The following SCN9A variants were observed in gnomAD, a reference collection of about 807,000 sequenced individuals.
SCN9A encodes sodium channel protein type 9 subunit alpha.
SCN9A carries 131 observed loss-of-function variants against 187.0 expected under a neutral mutation model. The ratio of observed to expected loss-of-function variants is 0.70; its 90% CI spans 0.61 to 0.81. The LOEUF is 0.81. Among genes scored for constraint, SCN9A ranks in the 30% least tolerant of loss-of-function variants. The pLI is 0.00. For missense variants in SCN9A, 2,252 were observed against 2,396.6 expected, an observed-to-expected ratio of 0.94 and a Z score of 1.26; for synonymous variants, 809 against 808.6, an observed-to-expected ratio of 1.00 and a Z score of -0.01.
At chr2:166,356,984 AG>A (rs1559060684) in intron 1 of SCN9A, among the ~76,000 whole-genome samples, 1 of 151,890 alleles carries the variant, frequency 6.6e-6, no homozygotes, top group African/African-American at 2.4e-5. Context: ...TTTTAAGTTC[AG>A]GGGTACATGC....
chr2:166,302,943 A>G, intron 7 of SCN9A, 147 bp downstream of exon 7: 1 of 656,340 alleles, frequency 1.5e-6, no homozygotes, highest in Non-Finnish European at 2.5e-6. Context: ...AATCATATAT[A>G]ACATGACCCA....
chr2:166,361,798 C>T (rs1214662394), intron 1 of SCN9A, among the ~76,000 whole-genome samples: 1 of 151,942 alleles, frequency 6.6e-6, no homozygotes, highest in South Asian at 2.1e-4. Context: ...ATACAAGGAA[C>T]ATTGTTTTTT....
At chr2:166,232,756 G>T (rs111328930) in intron 21 of SCN9A, among the ~76,000 whole-genome samples, 291 of 29,966 alleles carry the variant, frequency 9.7e-3, no homozygotes, top group East Asian at 0.017. Flanking sequence ...TATATATAGA[G>T]AGAGAGAGAG....
intron 11 of SCN9A, among the ~76,000 whole-genome samples, chr2:166,285,028 A>G (rs971371912): frequency 2.0e-5 from 3 of 152,230 alleles, no homozygotes; most frequent in Non-Finnish European, 4.4e-5. Context: ...TCATCCTTTC[A>G]GGACCAGGTA....
At position 166,251,385 on chromosome 2, in the gene SCN9A, TCAAA is replaced by T. The variant is rs1696029461; in HGVS notation, c.3472+376_3472+379del. On this transcript the variant is annotated intron_variant, in intron 18 of 26. Coordinates refer to ENST00000642356, the MANE Select transcript of SCN9A (RefSeq NM_001365536.1). ...TTGAGAGAGACTGTAGTCAACAGTATCAAACAGTTTTCTGAGAGTTAGTGAGTAG... is the reference window on the plus strand; with the variant it reads ...TTGAGAGAGACTGTAGTCAACAGTATCAGTTTTCTGAGAGTTAGTGAGTAG... Among the ~76,000 whole-genome samples, 3 of 152,044 alleles carry T rather than the reference TCAAA, an allele frequency of 2.0e-5. No homozygotes were observed. The South Asian group carries it at 6.2e-4, about 31-fold the overall frequency.
intron 1 of SCN9A, among the ~76,000 whole-genome samples, chr2:166,360,266 ATC>A (rs1269829386): frequency 6.6e-6 from 1 of 151,246 alleles, no homozygotes; most frequent in Non-Finnish European, 1.5e-5. Flanking sequence ...AAAGTTTATA[ATC>A]TTAAGAAGTG....
intron 16 of SCN9A, 40 bp downstream of exon 16, chr2:166,276,943 C>G (rs1473162837): frequency 6.5e-7 from 1 of 1,536,158 alleles, no homozygotes; most frequent in Admixed American, 1.7e-5. Context: ...AAAATAATTT[C>G]CACAGAGAAA....
chr2:166,285,514 GC>G (rs932769664), intron 11 of SCN9A, among the ~76,000 whole-genome samples: 2 of 152,174 alleles, frequency 1.3e-5, no homozygotes, highest in African/African-American at 4.8e-5. Context: ...CTCAAAACCA[GC>G]TTGGACTGCT....
At chr2:166,357,752 C>T (rs748398622) in intron 1 of SCN9A, among the ~76,000 whole-genome samples, 2 of 152,188 alleles carry the variant, frequency 1.3e-5, no homozygotes, top group Non-Finnish European at 2.9e-5. Flanking sequence ...AGCTTGTGCG[C>T]CATACTTGCA....
In SCN9A at chr2:166,272,804, GTCT is replaced by G; in HGVS notation, c.2943_2945del (p.Glu981del). ...CAATCTGGAGGTTGTTTGCATCAGGGTCTTCTTCAATTGCTGTAAGATTGTCTG... is the reference window on the plus strand; with the variant it reads ...CAATCTGGAGGTTGTTTGCATCAGGGTCTTCAATTGCTGTAAGATTGTCTG... On this transcript the variant is annotated inframe_deletion, in exon 17 of 27. Coordinates refer to ENST00000642356, the MANE Select transcript of SCN9A (RefSeq NM_001365536.1). 2 of 1,521,306 alleles carry G rather than the reference GTCT, an allele frequency of 1.3e-6. No homozygotes were observed. Among genetic ancestry groups the G allele is most frequent in the Non-Finnish European group, 1.8e-6 (2 of 1,139,052 alleles). 94.2% of individuals were successfully genotyped at this position (1,521,306 alleles called of 1,614,324 possible).
chr2:166,303,403 T>C, intron 6 of SCN9A, 101 bp from the exon 7 acceptor site: 2 of 891,246 alleles, frequency 2.2e-6, no homozygotes, highest in South Asian at 3.2e-5. Context: ...ATCAAATCAA[T>C]GACCTTAAGT....
Position 166,199,498 on chromosome 2 carries a change from T to G in SCN9A, c.5141A>C (p.Asp1714Ala), listed in dbSNP as rs938958211. 29 of 1,614,194 alleles carry G rather than the reference T, an allele frequency of 1.8e-5. No individual in the cohort carries two copies. Among genetic ancestry groups the G allele is most frequent in the Non-Finnish European group, 2.5e-5 (29 of 1,180,020 alleles). ...AGGATGAACTTTTTTTGGGTCACAG[T>G]CGGGTGGCTTACTGTTAAGAATAGG... The part of the protein sequence containing the change: ...LAPILNSKPP[D>A]CDPKKVHPGS... The change falls in exon 27 of 27, where the codon GAC (aspartate) becomes GCC (alanine). Residue 1714 changes from aspartate to alanine, a missense_variant. This residue lies in a region of SCN9A where 345 missense variants were observed against 344.6 expected (regional missense o/e 1.00). Transcript: ENST00000642356.
intron 1 of SCN9A, among the ~76,000 whole-genome samples, chr2:166,367,592 C>A (rs1320407936): frequency 6.6e-6 from 1 of 152,054 alleles, no homozygotes; most frequent in Non-Finnish European, 1.5e-5. Context: ...ACATATTTCC[C>A]TTTTAATTAC....
intron 2 of SCN9A, among the ~76,000 whole-genome samples, chr2:166,307,436 CAAATAG>C (rs1012983650): frequency 6.6e-6 from 1 of 152,078 alleles, no homozygotes; most frequent in Non-Finnish European, 1.5e-5. Context: ...TTAAGAAAGC[CAAATAG>C]AAACTAGCTA....
chr2:166,274,378 G>A (rs1697137101), intron 16 of SCN9A, among the ~76,000 whole-genome samples: 3 of 152,002 alleles, frequency 2.0e-5, no homozygotes, highest in African/African-American at 7.2e-5. Flanking sequence ...TTGATTAATG[G>A]TCTTCGCAAG....
chr2:166,277,670 A>G, intron 15 of SCN9A: 1 of 241,486 alleles, frequency 4.1e-6, no homozygotes, highest in Non-Finnish European at 7.9e-6. Context: ...ACTTTCATAC[A>G]TTTTCTCATG....
At chr2:166,369,549 T>G (rs1020072849) in intron 1 of SCN9A, among the ~76,000 whole-genome samples, 2 of 152,180 alleles carry the variant, frequency 1.3e-5, no homozygotes, top group Admixed American at 1.3e-4. Flanking sequence ...GCCAAGTTTG[T>G]AAATGGGGTA....
At chr2:166,227,549 G>A (rs1325878035) in intron 23 of SCN9A, 121 bp downstream of exon 23, 4 of 683,214 alleles carry the variant, frequency 5.9e-6, no homozygotes, top group Non-Finnish European at 1.1e-5. Context: ...ACTATCAGGT[G>A]GATGTTCTTC....
At chr2:166,361,288 G>A (rs1700278128) in intron 1 of SCN9A, among the ~76,000 whole-genome samples, 1 of 152,108 alleles carries the variant, frequency 6.6e-6, no homozygotes, top group South Asian at 2.1e-4. Context: ...TTAGGAACGA[G>A]AATATATTTG....
Sources: gnomAD v4.1 joint callset for allele counts (sites outside exome capture counted in the v4.1 genomes callset) on GRCh38, gnomAD v4.1.1 for gene constraint, gnomAD v4.1.1 regional missense constraint, MANE v1.5 for transcripts, NCBI Gene and HGNC (gene_info 2026-07-23, HGNC 2026-07-21) for gene names.